The following CLNK variants were observed in gnomAD, a reference collection of about 807,000 sequenced individuals.
The protein encoded by CLNK is cytokine dependent hematopoietic cell linker, also known as cytokine-dependent hematopoietic cell linker.
In CLNK, 74 loss-of-function variants were observed where a neutral mutation model predicts 68.6. The observed-to-expected ratio is 1.08, with a 90% CI of 0.89 to 1.31. The LOEUF is 1.31. Among genes scored for constraint, CLNK ranks in the 50% most tolerant of loss-of-function variants. The pLI is 0.00. For synonymous variants in CLNK, 198 were observed against 172.2 expected (o/e 1.15, Z -1.17); for missense variants, 553 against 515.3 (o/e 1.07, Z -0.71).
At chr4:10,556,777 G>A (rs1719688139) in intron 8 of CLNK, among the ~76,000 whole-genome samples, 1 of 152,032 alleles carries the variant, frequency 6.6e-6, no homozygotes, top group Admixed American at 6.6e-5. Context: ...TAATGTGCTG[G>A]TTAAAGAAAA....
intron 2 of CLNK, among the ~76,000 whole-genome samples, chr4:10,637,617 C>G (rs546726935): frequency 1.0e-5 from 1 of 95,278 alleles, no homozygotes; most frequent in African/African-American, 4.2e-5. Context: ...TTTTTTGAGA[C>G]GGAGTCTCAC....
intron 1 of CLNK, among the ~76,000 whole-genome samples, chr4:10,673,624 C>T (rs1724751193): frequency 6.8e-6 from 1 of 147,220 alleles, no homozygotes; most frequent in African/African-American, 2.5e-5. Context: ...ACAATGAGAA[C>T]ATATGGACAC....
At chr4:10,575,916 T>C (rs975357327) in intron 4 of CLNK, among the ~76,000 whole-genome samples, 1 of 152,260 alleles carries the variant, frequency 6.6e-6, no homozygotes, top group Non-Finnish European at 1.5e-5. Context: ...AAGACTTTTT[T>C]TTTATGTTTC....
chr4:10,690,404 G>T, the CLNK span, among the ~76,000 whole-genome samples: 1 of 152,092 alleles, frequency 6.6e-6, no homozygotes, highest in Non-Finnish European at 1.5e-5. Context: ...TGTTGCATTC[G>T]TGTCTAAGTT....
chr4:10,497,083 G>A (rs1239648700), intron 18 of CLNK, among the ~76,000 whole-genome samples: 5 of 152,078 alleles, frequency 3.3e-5, no homozygotes, highest in African/African-American at 1.2e-4. Flanking sequence ...AAACTATACC[G>A]CATCCCAGAA....
the CLNK span, among the ~76,000 whole-genome samples, chr4:10,700,004 A>ATG: frequency 0.32 from 46,976 of 145,038 alleles, 7,592 homozygotes; most frequent in African/African-American, 0.37. Context: ...GTGTGTGCAT[A>ATG]TGTGTGTGTG....
chr4:10,718,357 T>G, the CLNK span, among the ~76,000 whole-genome samples: 144 of 152,210 alleles, frequency 9.5e-4, no homozygotes, highest in African/African-American at 3.2e-3. Flanking sequence ...AGTCATTTTC[T>G]GAAAACTAAA....
At chr4:10,727,485 T>A in the CLNK span, among the ~76,000 whole-genome samples, 2 of 152,224 alleles carry the variant, frequency 1.3e-5, no homozygotes, top group Non-Finnish European at 2.9e-5. Flanking sequence ...TGCTTCATAG[T>A]TTCCTCCTCT....
intron 4 of CLNK, among the ~76,000 whole-genome samples, chr4:10,581,181 AGG>A (rs1203574894): frequency 6.6e-6 from 1 of 152,170 alleles, no homozygotes; most frequent in African/African-American, 2.4e-5. Flanking sequence ...TATATGGCCT[AGG>A]TAAGTAGTAG....
chr4:10,567,956 T>C (rs1482763687), intron 5 of CLNK, among the ~76,000 whole-genome samples: 1 of 152,244 alleles, frequency 6.6e-6, no homozygotes, highest in Non-Finnish European at 1.5e-5. Flanking sequence ...TTTGAGGATC[T>C]CATGCATTGC....
the CLNK span, among the ~76,000 whole-genome samples, chr4:10,710,035 T>C: frequency 1.3e-5 from 2 of 152,226 alleles, no homozygotes; most frequent in South Asian, 4.1e-4. Flanking sequence ...GTGGTGTTTG[T>C]TAGGCAGCAT....
chr4:10,698,568 C>T, the CLNK span, among the ~76,000 whole-genome samples: 1 of 152,172 alleles, frequency 6.6e-6, no homozygotes, highest in African/African-American at 2.4e-5. Flanking sequence ...TCAGATCCAC[C>T]TGTCCCTTCT....
At chr4:10,522,572 CAAAAA>C (rs58663693) in intron 14 of CLNK, among the ~76,000 whole-genome samples, 1 of 116,436 alleles carries the variant, frequency 8.6e-6, no homozygotes, top group Non-Finnish European at 1.7e-5. Flanking sequence ...GAAACTCTCT[CAAAAA>C]AAAAAAAAAA....
At chr4:10,501,471 G>T in intron 17 of CLNK, 60 bp from the exon 18 acceptor site, 1 of 1,531,272 alleles carries the variant, frequency 6.5e-7, no homozygotes, top group Admixed American at 2.1e-5. Context: ...CCCTTGTAAT[G>T]GTGGCAACAA....
intron 17 of CLNK, among the ~76,000 whole-genome samples, chr4:10,501,954 A>T (rs771533485): frequency 2.0e-5 from 3 of 152,040 alleles, no homozygotes; most frequent in Non-Finnish European, 4.4e-5. Context: ...GAAAAAAGAA[A>T]ATCTTTCATC....
At position 10,545,373 on chromosome 4, in the gene CLNK, A is replaced by G. The variant is rs534937537; in HGVS notation, c.446-3093T>C. On this transcript the variant is annotated intron_variant, in intron 8 of 18. Transcript: ENST00000226951. ...CAAGACTGAAACCCAAGAAAGAAGA[A>G]TTTGGGTCCTAAGGTTCCAGAATAA... Among the ~76,000 whole-genome samples the G allele has an allele frequency of 1.6e-4, 24 of 152,318 alleles. No homozygotes were observed. In the South Asian group the frequency reaches 4.8e-3, roughly 30 times the overall value.
At chr4:10,626,539 A>T (rs954436729) in intron 2 of CLNK, among the ~76,000 whole-genome samples, 1 of 152,202 alleles carries the variant, frequency 6.6e-6, no homozygotes, top group African/African-American at 2.4e-5. Flanking sequence ...TATTTTTATT[A>T]CAAAATTAAC....
At chr4:10,598,630 T>G (rs1721471803) in intron 2 of CLNK, 1 of 430,668 alleles carries the variant, frequency 2.3e-6, no homozygotes, top group Non-Finnish European at 4.6e-6. Context: ...CTAAGGCACT[T>G]TCTATGAAGA....
intron 3 of CLNK, 80 bp downstream of exon 3, chr4:10,597,898 T>C (rs1721444192): frequency 9.4e-6 from 9 of 957,148 alleles, no homozygotes; most frequent in East Asian, 2.6e-5. Context: ...TTGACAATTT[T>C]CGTGTTTGTG....
Sources: gnomAD v4.1 joint callset for allele counts (sites outside exome capture counted in the v4.1 genomes callset) on GRCh38, gnomAD v4.1.1 for gene constraint, MANE v1.5 for transcripts, NCBI Gene and HGNC (gene_info 2026-07-23, HGNC 2026-07-21) for gene names.